PDCD11: variants seen among roughly 807,000 people sequenced by gnomAD.
PDCD11 encodes protein RRP5 homolog.
In PDCD11, 97 loss-of-function variants were observed where a neutral mutation model predicts 198.9. That is an observed-to-expected ratio of 0.49 (90% CI 0.41 to 0.58). PDCD11 has a LOEUF of 0.58. PDCD11 is among the 20% of genes least tolerant of loss of function. The pLI, the probability that PDCD11 is intolerant of heterozygous loss-of-function variation, is 0.00. For synonymous variants in PDCD11, 893 were observed against 918.0 expected (o/e 0.97, Z 0.49); for missense variants, 2,102 against 2,312.7 (o/e 0.91, Z 1.87).
intron 33 of PDCD11, 65 bp from the exon 34 acceptor site, chr10:103,443,850 G>A: frequency 3.3e-6 from 5 of 1,518,348 alleles, no homozygotes; most frequent in Non-Finnish European, 4.5e-6. Flanking sequence ...GAGTGTTGCT[G>A]CTTGTCTGTC....
Position 103,441,809 on chromosome 10 carries a change from C to T in PDCD11, c.4558-17C>T. The T allele has an allele frequency of 6.2e-7, 1 of 1,612,968 alleles. No individual in the cohort carries two copies. Among genetic ancestry groups the T allele is most frequent in the Non-Finnish European group, 8.5e-7 (1 of 1,179,354 alleles). On this transcript the variant is annotated splice_polypyrimidine_tract_variant and intron_variant, in intron 30 of 35. Coordinates refer to ENST00000369797, the MANE Select transcript of PDCD11 (RefSeq NM_014976.2). ...CCTGAGCCAGGTGCTTTCTTTAGCG[C>T]CTCTGTGTTCCTCCAGGAGAAGCAA...
chr10:103,428,308 A>ATT (rs2031785353), intron 21 of PDCD11, among the ~76,000 whole-genome samples: 1 of 118,636 alleles, frequency 8.4e-6, no homozygotes, highest in Non-Finnish European at 1.7e-5. Context: ...CCGTCTCAAA[A>ATT]GAAAAAAAAA....
intron 19 of PDCD11, 82 bp downstream of exon 19, chr10:103,423,740 A>C: frequency 2.3e-6 from 2 of 883,458 alleles, no homozygotes; most frequent in Non-Finnish European, 3.7e-6. Flanking sequence ...ATTCCAACTC[A>C]GATGCCTGTA....
chr10:103,439,702 T>A, intron 27 of PDCD11, 44 bp from the exon 28 acceptor site: 1 of 1,613,258 alleles, frequency 6.2e-7, no homozygotes. Context: ...TGGAATTCTG[T>A]TGTTGCATTT....
chr10:103,444,321 A>G, intron 34 of PDCD11, 196 bp from the exon 35 acceptor site: 1 of 630,592 alleles, frequency 1.6e-6, no homozygotes, highest in South Asian at 1.9e-5. Context: ...CTGTGCCCAG[A>G]GAGTGGTGTG....
At chr10:103,429,926 C>G (rs560686545) in intron 21 of PDCD11, among the ~76,000 whole-genome samples, 1 of 152,260 alleles carries the variant, frequency 6.6e-6, no homozygotes, top group South Asian at 2.1e-4. Flanking sequence ...GCTTATTTCA[C>G]TTAGTGTGAT....
At chr10:103,429,838 C>T (rs971829565) in intron 21 of PDCD11, among the ~76,000 whole-genome samples, 4 of 152,242 alleles carry the variant, frequency 2.6e-5, no homozygotes, top group East Asian at 1.9e-4. Flanking sequence ...TTTCCCCTTC[C>T]GTCTCAGTGA....
At chr10:103,440,177 G>T in intron 28 of PDCD11, 113 bp from the exon 29 acceptor site, 1 of 1,461,690 alleles carries the variant, frequency 6.8e-7, no homozygotes, top group Non-Finnish European at 9.2e-7. Context: ...TCCCAAGGCA[G>T]ATGGGGGCAG....
At chr10:103,402,815 C>T (rs987392624) in intron 3 of PDCD11, among the ~76,000 whole-genome samples, 1 of 152,180 alleles carries the variant, frequency 6.6e-6, no homozygotes, top group Non-Finnish European at 1.5e-5. Context: ...GATCACAGCT[C>T]ACTGCAGACT....
rs1186647085 is a variant in PDCD11 at position 103,434,286 on chromosome 10, G to T, written c.3603G>T (p.Gln1201His). 1 of 1,614,002 alleles carries T rather than the reference G, an allele frequency of 6.2e-7. No individual in the cohort carries two copies. Among genetic ancestry groups the T allele is most frequent in the Admixed American group, 1.7e-5 (1 of 60,028 alleles). ...KHPDKKFRVG[Q>H]ALRATVVGPD... ...CAGATAAGAAGTTCCGGGTTGGCCA[G>T]GCCCTGAGGGCCACCGTTGTTGGCC... Residue 1201 changes from glutamine (Q) to histidine (H), a missense_variant, in exon 24 of 36, where the codon CAG becomes CAT. Physicochemically the swap from Gln to His is conservative, Grantham distance 24 (BLOSUM62 0). Transcript: ENST00000369797.
rs1332738726 is a variant in PDCD11 at position 103,419,645 on chromosome 10, C to T, written c.2214C>T (p.Ser738=). Residue 738 remains serine (S), a synonymous_variant, in exon 16 of 36, where the codon AGC becomes AGT. Transcript: ENST00000369797. ...PGMLLIGFVK[S]IKDYGVFIQF... ...TGCTGCTCATTGGTTTTGTGAAGAG[C>T]ATCAAGGACTATGGCGTGTTCATCC... The T allele has an allele frequency of 2.6e-5, 42 of 1,614,042 alleles. No individual in the cohort carries two copies. Among genetic ancestry groups the T allele is most frequent in the Admixed American group, 3.3e-5 (2 of 59,998 alleles).
chr10:103,406,098 G>T lies in PDCD11; in HGVS notation c.678G>T (p.Gln226His). 6.2e-7 allele frequency: 1 copy of T among 1,614,128 alleles called. No individual in the cohort carries two copies. Among genetic ancestry groups the T allele is most frequent in the Non-Finnish European group, 8.5e-7 (1 of 1,179,986 alleles). Residue 226 changes from glutamine to histidine, a missense_variant, in exon 6 of 36, where the codon CAG (glutamine) becomes CAT (histidine). Gln to His is a conservative substitution (Grantham distance 24, BLOSUM62 0). Transcript: ENST00000369797. ...PLLKAQEYIR[Q>H]KNKGAKLKVG... ...TGAAAGCCCAGGAGTACATCAGACAGAAGAACAAAGGTGAGGGCAAGAAAA... is the reference window on the plus strand; with the variant it reads ...TGAAAGCCCAGGAGTACATCAGACATAAGAACAAAGGTGAGGGCAAGAAAA...
Position 103,417,913 on chromosome 10 carries a change from A to G in PDCD11, c.1892A>G (p.Lys631Arg). The change falls in exon 14 of 36, where the codon AAA becomes AGA. Residue 631 changes from lysine (K) to arginine (R), a missense_variant. Transcript: ENST00000369797. ...EPAGHSQKKG[K>R]AINIGQLVDV... ...GCAGGACACAGTCAGAAGAAAGGAA[A>G]AGCCATTAACATTGGGCAGGTACGT... The G allele has an allele frequency of 1.2e-6, 2 of 1,614,194 alleles. No individual in the cohort carries two copies.
intron 30 of PDCD11, among the ~76,000 whole-genome samples, chr10:103,441,135 AG>A (rs1238102653): frequency 1.3e-5 from 2 of 152,224 alleles, no homozygotes; most frequent in Non-Finnish European, 2.9e-5. Flanking sequence ...ATCCTCCAAA[AG>A]ATGAGAATAG....
chr10:103,401,319 C>T (rs2030035263), intron 3 of PDCD11, among the ~76,000 whole-genome samples: 1 of 152,106 alleles, frequency 6.6e-6, no homozygotes, highest in South Asian at 2.1e-4. Flanking sequence ...GTTGCGCAGT[C>T]TGGAGTGCAG....
chr10:103,440,618 C>T, intron 29 of PDCD11, 37 bp downstream of exon 29: 1 of 1,609,074 alleles, frequency 6.2e-7, no homozygotes, highest in Non-Finnish European at 8.5e-7. Context: ...GCCTATCCTC[C>T]TCCTGGAGGG....
Position 103,416,599 on chromosome 10 carries a change from C to G in PDCD11, c.1627C>G (p.Leu543Val), listed in dbSNP as rs1408834561. ...ITCYADAKPGLQTHGFIIRVK... is the reference protein window; with the variant it reads ...ITCYADAKPGVQTHGFIIRVK... ...CTGCTATGCCGATGCCAAGCCTGGT[C>G]TGCAGACACATGGCTTCATCATCAG... Residue 543 changes from leucine (L) to valine (V), a missense_variant, in exon 13 of 36, where the codon CTG (leucine) becomes GTG (valine). Coordinates refer to ENST00000369797, the MANE Select transcript of PDCD11 (RefSeq NM_014976.2). 1.9e-6 allele frequency: 3 copies of G among 1,614,188 alleles called. No individual in the cohort carries two copies. The South Asian group carries it at 3.3e-5, about 18-fold the overall frequency.
chr10:103,406,585 TGGGG>T lies in PDCD11; in HGVS notation c.689-23_689-20del, dbSNP rs1440251316. 2 of 1,603,568 alleles carry T rather than the reference TGGGG, an allele frequency of 1.2e-6. No homozygotes were observed. Among genetic ancestry groups the T allele is most frequent in the Admixed American group, 1.7e-5 (1 of 57,728 alleles). On this transcript the variant is annotated intron_variant, in intron 6 of 35. Transcript: ENST00000369797. ...CTTCTCATAGATACATTTTTCCTTT[TGGGG>T]CCTGGGTCTGGGCTTACAGGTGCTA...
At chr10:103,440,646 G>A (rs1360867666) in intron 29 of PDCD11, 65 bp downstream of exon 29, 1 of 1,611,534 alleles carries the variant, frequency 6.2e-7, no homozygotes, top group African/African-American at 1.3e-5. Flanking sequence ...TGAGGGCGTG[G>A]GGACAGGGCA....
Sources: allele counts gnomAD v4.1 joint callset (sites outside exome capture counted in the v4.1 genomes callset), GRCh38; gene constraint gnomAD v4.1.1; transcripts MANE v1.5; gene names NCBI Gene and HGNC (gene_info 2026-07-23, HGNC 2026-07-21).